Variants in CNTNAP2 observed in about 807,000 individuals in gnomAD.
The protein encoded by CNTNAP2 is contactin-associated protein-like 2.
Under a neutral mutation model 155.2 loss-of-function variants are expected in CNTNAP2, and 98 were observed. The observed-to-expected ratio is 0.63, with a 90% CI of 0.54 to 0.75. The LOEUF (loss-of-function observed/expected upper bound fraction) is 0.75, where lower values mean the gene tolerates loss of function less well. CNTNAP2 is among the 30% of genes least tolerant of loss of function. The pLI, the probability that CNTNAP2 is intolerant of heterozygous loss-of-function variation, is 0.00. For synonymous variants in CNTNAP2, 651 were observed against 631.2 expected, an observed-to-expected ratio of 1.03 and a Z score of -0.47; for missense variants, 1,727 against 1,688.1, an observed-to-expected ratio of 1.02 and a Z score of -0.40.
chr7:148,249,991 A>G (rs980968734), intron 20 of CNTNAP2, among the ~76,000 whole-genome samples: 1 of 152,214 alleles, frequency 6.6e-6, no homozygotes, highest in Non-Finnish European at 1.5e-5. Flanking sequence ...ACACCCACTG[A>G]CAGTCCTCGT....
Position 147,794,891 on chromosome 7 carries a change from C to G in CNTNAP2, c.2099-108674C>G, listed in dbSNP as rs79162732. On this transcript the variant is annotated intron_variant, in intron 13 of 23. Transcript: ENST00000361727. ...GTTGGCATATATTAGTTCATAGTTT[C>G]CCTTATCATCTTTTTTATTTCTGTA... 8.2e-3 allele frequency among the ~76,000 whole-genome samples: 1,237 copies of G among 151,606 alleles called. 16 individuals are homozygous for G. Among genetic ancestry groups the G allele is most frequent in the African/African-American group, 0.028 (1,170 of 41,402 alleles).
chr7:147,447,882 A>G (rs1445161921), intron 10 of CNTNAP2, among the ~76,000 whole-genome samples: 2 of 152,116 alleles, frequency 1.3e-5, no homozygotes, highest in Non-Finnish European at 2.9e-5. Context: ...GTATCAAGAA[A>G]GTCCTAATTC....
intron 3 of CNTNAP2, among the ~76,000 whole-genome samples, chr7:146,942,583 C>T (rs1585172047): frequency 6.6e-6 from 1 of 152,052 alleles, no homozygotes; most frequent in East Asian, 1.9e-4. Flanking sequence ...AAAAGGCCGA[C>T]ACTGCAGTGG....
At chr7:146,522,780 T>TA (rs946528273) in intron 1 of CNTNAP2, among the ~76,000 whole-genome samples, 1 of 149,738 alleles carries the variant, frequency 6.7e-6, no homozygotes, top group African/African-American at 2.4e-5. Context: ...TATTATGTTT[T>TA]AAAAAATAAA....
intron 1 of CNTNAP2, among the ~76,000 whole-genome samples, chr7:146,363,111 A>G (rs1346406327): frequency 4.6e-5 from 7 of 152,180 alleles, no homozygotes; most frequent in Non-Finnish European, 7.3e-5. Flanking sequence ...ATGGTATTAA[A>G]TATTTACATA....
At chr7:148,330,919 G>C (rs1003654510) in intron 21 of CNTNAP2, among the ~76,000 whole-genome samples, 29 of 136,820 alleles carry the variant, frequency 2.1e-4, no homozygotes, top group Non-Finnish European at 3.8e-4. Flanking sequence ...GGAGTGGATG[G>C]ATGGAATGGA....
intron 16 of CNTNAP2, among the ~76,000 whole-genome samples, chr7:148,147,032 C>T (rs537731401): frequency 3.7e-4 from 57 of 152,238 alleles, no homozygotes; most frequent in African/African-American, 1.3e-3. Flanking sequence ...CAAGAGATCT[C>T]CAGGTGACTA....
chr7:147,271,774 G>A (rs1242817392), intron 8 of CNTNAP2, among the ~76,000 whole-genome samples: 1 of 152,090 alleles, frequency 6.6e-6, no homozygotes, highest in African/African-American at 2.4e-5. Context: ...ATCTCCTACC[G>A]GGTGCCTCCT....
At chr7:147,422,818 T>C (rs1797317386) in intron 10 of CNTNAP2, among the ~76,000 whole-genome samples, 1 of 152,214 alleles carries the variant, frequency 6.6e-6, no homozygotes, top group Non-Finnish European at 1.5e-5. Flanking sequence ...CAAAACCCTT[T>C]AAATACTTGA....
chr7:148,062,024 AGAGAGTGTGTGT>A (rs1156307965), intron 15 of CNTNAP2, among the ~76,000 whole-genome samples: 3 of 136,658 alleles, frequency 2.2e-5, no homozygotes, highest in African/African-American at 8.7e-5. Context: ...AGAGAGAGAG[AGAGAGTGTGTGT>A]GTGTGTGTGT....
chr7:146,668,436 GTGTGT>G (rs1800237183), intron 1 of CNTNAP2, among the ~76,000 whole-genome samples: 1 of 90,570 alleles, frequency 1.1e-5, no homozygotes, highest in South Asian at 7.5e-4. Context: ...TCCTGTGTGT[GTGTGT>G]GTGTGTGTGT....
intron 1 of CNTNAP2, among the ~76,000 whole-genome samples, chr7:146,216,482 G>A (rs960724734): frequency 6.6e-6 from 1 of 152,162 alleles, no homozygotes; most frequent in African/African-American, 2.4e-5. Context: ...AGCACACCCT[G>A]TTCCTTTTTC....
chr7:147,133,771 C>T (rs1362155362), intron 8 of CNTNAP2, among the ~76,000 whole-genome samples: 1 of 151,980 alleles, frequency 6.6e-6, no homozygotes, highest in African/African-American at 2.4e-5. Context: ...TCAAGGAAGC[C>T]ACAAGAAATG....
At chr7:147,956,211 G>C (rs1312596519) in intron 14 of CNTNAP2, among the ~76,000 whole-genome samples, 1 of 151,782 alleles carries the variant, frequency 6.6e-6, no homozygotes, top group Admixed American at 6.6e-5. Context: ...CAAAATACAT[G>C]AGTGAATATT....
At chr7:146,598,542 G>T (rs1216406118) in intron 1 of CNTNAP2, among the ~76,000 whole-genome samples, 1 of 152,068 alleles carries the variant, frequency 6.6e-6, no homozygotes, top group East Asian at 1.9e-4. Context: ...ACATGGCTCA[G>T]TCCAACAGTC....
intron 1 of CNTNAP2, among the ~76,000 whole-genome samples, chr7:146,616,362 AT>A (rs1330099522): frequency 6.6e-6 from 1 of 151,622 alleles, no homozygotes; most frequent in Middle Eastern, 3.4e-3. Context: ...AGATGAATGA[AT>A]AAATAAAAAA....
intron 10 of CNTNAP2, among the ~76,000 whole-genome samples, chr7:147,463,868 A>G (rs757187575): frequency 6.6e-6 from 1 of 151,884 alleles, no homozygotes; most frequent in Non-Finnish European, 1.5e-5. Flanking sequence ...ATCAGCTACA[A>G]AAGTAATGTC....
chr7:147,539,334 T>C (rs1799600916), intron 11 of CNTNAP2, among the ~76,000 whole-genome samples: 1 of 152,144 alleles, frequency 6.6e-6, no homozygotes, highest in African/African-American at 2.4e-5. Context: ...ATTATAGTGC[T>C]ATTCCCCTTC....
chr7:147,951,940 TTAAATAAAAA>T (rs1161999295), intron 14 of CNTNAP2, among the ~76,000 whole-genome samples: 1 of 151,254 alleles, frequency 6.6e-6, no homozygotes, highest in African/African-American at 2.4e-5. Flanking sequence ...GTAAAATTAA[TTAAATAAAAA>T]AAAATGAAAA....
Sources: gnomAD v4.1 joint callset for allele counts (sites outside exome capture counted in the v4.1 genomes callset) on GRCh38, gnomAD v4.1.1 for gene constraint, MANE v1.5 for transcripts, NCBI Gene and HGNC (gene_info 2026-07-23, HGNC 2026-07-21) for gene names.